HMCN1: variants seen among roughly 807,000 people sequenced by gnomAD.
The protein encoded by HMCN1 is hemicentin-1.
A neutral mutation model predicts 625.9 loss-of-function variants in HMCN1; 321 were observed. That is an observed-to-expected ratio of 0.51 (90% CI 0.47 to 0.56). The LOEUF is 0.56. Ranked by LOEUF, HMCN1 falls within the 20% of genes least tolerant of loss-of-function variation. The probability of loss-of-function intolerance (pLI) is 0.00; values close to 1 mark genes in which losing one functional copy is unlikely to be tolerated. For missense variants in HMCN1, 6,588 were observed against 6,887.3 expected, an observed-to-expected ratio of 0.96 and a Z score of 1.54; for synonymous variants, 2,425 against 2,417.6, an observed-to-expected ratio of 1.00 and a Z score of -0.09.
Position 186,115,337 on chromosome 1 carries a change from T to C in HMCN1, c.11484T>C (p.Thr3828=), listed in dbSNP as rs1026690765. 9 of 1,613,916 alleles carry C rather than the reference T, an allele frequency of 5.6e-6. No individual in the cohort carries two copies. Among genetic ancestry groups the C allele is most frequent in the African/African-American group, 4.0e-5 (3 of 74,936 alleles). ...AAACTACTCTGGCTTGTGAGGCTAC[T>C]GGGATACCAAAACCATCAATCAATT... The part of the protein sequence containing the change: ...NVQTTLACEA[T]GIPKPSINWR... Residue 3828 remains threonine, a synonymous_variant, in exon 75 of 107, where the codon ACT becomes ACC. Transcript: ENST00000271588.
chr1:185,907,273 G>A (rs1666148455), intron 4 of HMCN1, among the ~76,000 whole-genome samples: 1 of 151,914 alleles, frequency 6.6e-6, no homozygotes, highest in Non-Finnish European at 1.5e-5. Flanking sequence ...GATTTATGGG[G>A]CAATTAGTTG....
At chr1:186,131,701 C>T (rs1313311583) in intron 85 of HMCN1, among the ~76,000 whole-genome samples, 1 of 152,124 alleles carries the variant, frequency 6.6e-6, no homozygotes, top group Non-Finnish European at 1.5e-5. Flanking sequence ...ATTCACAAGA[C>T]CTTCAGCGAA....
Position 185,977,754 on chromosome 1 carries a change from G to T in HMCN1, c.2372-33G>T, listed in dbSNP as rs377728759. On this transcript the variant is annotated intron_variant, in intron 15 of 106. Coordinates refer to ENST00000271588, the MANE Select transcript of HMCN1 (RefSeq NM_031935.3). ...GTTTAATATGCCTGTATAATATACC[G>T]ATGACTTATTTGTTGTTTGTAATGT... is the stretch of plus-strand genomic sequence containing the variant. 3 of 1,360,598 alleles carry T rather than the reference G, an allele frequency of 2.2e-6. No homozygotes were observed. The Admixed American group carries it at 5.0e-5, about 23-fold the overall frequency. The allele number at this position is 1,360,598 out of a possible 1,614,324, so 84.3% of individuals were successfully genotyped here.
chr1:186,080,611 T>G (rs1224620273), intron 55 of HMCN1, among the ~76,000 whole-genome samples: 1 of 152,116 alleles, frequency 6.6e-6, no homozygotes, highest in African/African-American at 2.4e-5. Flanking sequence ...AGACACAGAT[T>G]TATTGGCCCC....
intron 80 of HMCN1, among the ~76,000 whole-genome samples, chr1:186,120,562 G>A (rs1661353588): frequency 3.3e-5 from 5 of 152,156 alleles, no homozygotes; most frequent in South Asian, 4.1e-4. Context: ...AGAGAAAGCA[G>A]GGTATTTTTG....
chr1:186,007,181 T>G lies in HMCN1; in HGVS notation c.4529T>G (p.Leu1510Ter). Residue 1510 changes from leucine to a stop codon, truncating the protein, a stop_gained, in exon 30 of 107, where the codon TTA becomes TGA. Coordinates refer to ENST00000271588, the MANE Select transcript of HMCN1 (RefSeq NM_031935.3). LOFTEE classifies it high-confidence loss of function. ...NVELLDRGQVLHLKNARRNDK... is the reference protein window; with the variant it reads ...NVELLDRGQV Reference sequence around the variant, plus strand: ...GAACTTCTAGACAGAGGACAAGTCTTACATTTAAAGAATGCACGGAGAAAT... The same window carrying G: ...GAACTTCTAGACAGAGGACAAGTCTGACATTTAAAGAATGCACGGAGAAAT... The G allele has an allele frequency of 6.2e-7, 1 of 1,613,336 alleles. No individual in the cohort carries two copies. The highest frequency in any genetic ancestry group is 1.1e-5 in the South Asian group (1 of 91,058).
intron 1 of HMCN1, among the ~76,000 whole-genome samples, chr1:185,833,519 T>G (rs1660999087): frequency 6.6e-6 from 1 of 152,164 alleles, no homozygotes; most frequent in African/African-American, 2.4e-5. Context: ...ATTTTTTTAG[T>G]TGATTTTTTG....
chr1:186,182,869 A>G (rs1653023302), intron 105 of HMCN1, among the ~76,000 whole-genome samples: 1 of 152,242 alleles, frequency 6.6e-6, no homozygotes, highest in Non-Finnish European at 1.5e-5. Context: ...CAAACAAAAT[A>G]TAGCTCATTG....
rs958147919 is a variant in HMCN1, at chr1:186,154,378, C to T, written c.15256+391C>T. Among the ~76,000 whole-genome samples, 8 of 152,112 alleles carry T rather than the reference C, an allele frequency of 5.3e-5. No homozygotes were observed. In the East Asian group the frequency reaches 7.8e-4, roughly 15 times the overall value. ...CCAACATGGTAATACAAAAATTAGCCGGTCGTGGGGGCGGGTGCCTGTAGT... is the reference window on the plus strand; with the variant it reads ...CCAACATGGTAATACAAAAATTAGCTGGTCGTGGGGGCGGGTGCCTGTAGT... On this transcript the variant is annotated intron_variant, in intron 97 of 106. Coordinates refer to ENST00000271588, the MANE Select transcript of HMCN1 (RefSeq NM_031935.3).
chr1:185,928,803 G>C, intron 10 of HMCN1, 136 bp downstream of exon 10: 7 of 937,576 alleles, frequency 7.5e-6, no homozygotes, highest in Non-Finnish European at 6.7e-6. Context: ...ACTGAATTGA[G>C]AACTCAAATC....
At chr1:185,919,602 C>T (rs890348828) in intron 6 of HMCN1, among the ~76,000 whole-genome samples, 1 of 152,132 alleles carries the variant, frequency 6.6e-6, no homozygotes, top group Non-Finnish European at 1.5e-5. Context: ...CCATATAACT[C>T]TCCTCCTATT....
rs963743093 is a variant in HMCN1 at position 185,868,396 on chromosome 1, C to T, written c.621+2533C>T. Among the ~76,000 whole-genome samples the T allele has an allele frequency of 1.6e-4, 24 of 152,212 alleles. 1 individual carries two copies. The highest frequency in any genetic ancestry group is 5.3e-4 in the African/African-American group (22 of 41,524). On this transcript the variant is annotated intron_variant, in intron 4 of 106. Transcript: ENST00000271588. Reference sequence around the variant, plus strand: ...ATTTTACATTGTAGTTCCCATAATCCCCACATGTCATTGGAGGGACCTAAT... The same window carrying T: ...ATTTTACATTGTAGTTCCCATAATCTCCACATGTCATTGGAGGGACCTAAT...
intron 24 of HMCN1, among the ~76,000 whole-genome samples, chr1:185,996,805 G>A (rs1030604927): frequency 5.9e-5 from 9 of 152,154 alleles, no homozygotes; most frequent in Non-Finnish European, 1.3e-4. Context: ...GGATGATGGA[G>A]CTGTTCAGAG....
intron 103 of HMCN1, 42 bp from the exon 104 acceptor site, chr1:186,178,374 T>C: frequency 7.4e-7 from 1 of 1,359,476 alleles, no homozygotes; most frequent in Non-Finnish European, 1.1e-6. Context: ...TGTGTATGTA[T>C]GTGTCTTTTT....
At chr1:185,992,746 T>G (rs972677250) in intron 22 of HMCN1, among the ~76,000 whole-genome samples, 1 of 152,184 alleles carries the variant, frequency 6.6e-6, no homozygotes, top group African/African-American at 2.4e-5. Context: ...AATAACATTT[T>G]TATATGTAGG....
At chr1:186,011,405 T>A (rs910092069) in intron 30 of HMCN1, among the ~76,000 whole-genome samples, 1 of 152,236 alleles carries the variant, frequency 6.6e-6, no homozygotes, top group Admixed American at 6.5e-5. Context: ...TTCATACAGC[T>A]AAGTACTGCC....
intron 99 of HMCN1, 129 bp downstream of exon 99, chr1:186,166,432 G>A (rs1169245698): frequency 3.5e-6 from 4 of 1,156,312 alleles, no homozygotes; most frequent in Non-Finnish European, 5.0e-6. Context: ...AACAAAGAAG[G>A]TCTCCATTGG....
At chr1:186,178,289 T>C (rs1652722347) in intron 103 of HMCN1, 127 bp from the exon 104 acceptor site, 4 of 713,488 alleles carry the variant, frequency 5.6e-6, no homozygotes, top group Non-Finnish European at 9.8e-6. Context: ...GAGAAATTAC[T>C]GTATGCCTGG....
In HMCN1 at chr1:186,136,919, G is replaced by A; in HGVS notation, c.13564G>A (p.Val4522Met). 1 of 1,613,772 alleles carries A rather than the reference G, an allele frequency of 6.2e-7. No individual in the cohort carries two copies. The highest frequency in any genetic ancestry group is 8.5e-7 in the Non-Finnish European group (1 of 1,179,904). ...RNLMGSVLVR[V>M]PVIVQVHGGF... ...CTTAATGGGTTCTGTCCTTGTCAGA[G>A]TGCCAGTCATAGTCCAGGGTGAGTG... The change falls in exon 87 of 107, where the codon GTG (valine) becomes ATG (methionine). Residue 4522 changes from valine to methionine, a missense_variant. This residue lies in a region of HMCN1 where 1,954 missense variants were observed against 2,013.1 expected (regional missense o/e 0.97). Coordinates refer to ENST00000271588, the MANE Select transcript of HMCN1 (RefSeq NM_031935.3).
Sources: allele counts gnomAD v4.1 joint callset (sites outside exome capture counted in the v4.1 genomes callset), GRCh38; gene constraint gnomAD v4.1.1; regional missense constraint gnomAD v4.1.1; transcripts MANE v1.5; gene names NCBI Gene and HGNC (gene_info 2026-07-23, HGNC 2026-07-21).